The following PCSK5 variants were observed in gnomAD, a reference collection of about 807,000 sequenced individuals.
PCSK5 encodes prohormone convertase 5.
Under a neutral mutation model 233.2 loss-of-function variants are expected in PCSK5, and 129 were observed. That is an observed-to-expected ratio of 0.55 (90% CI 0.48 to 0.64). PCSK5 has a LOEUF of 0.64. PCSK5 is among the 30% of genes least tolerant of loss of function. The pLI, the probability that PCSK5 is intolerant of heterozygous loss-of-function variation, is 0.00. For missense variants in PCSK5, 2,076 were observed against 2,430.1 expected, an observed-to-expected ratio of 0.85 and a Z score of 3.06; for synonymous variants, 825 against 879.2, an observed-to-expected ratio of 0.94 and a Z score of 1.09.
In PCSK5 at chr9:76,233,534, GCCA is replaced by G. The variant is rs1564125128; in HGVS notation, c.2809_2811del (p.His937del). On this transcript the variant is annotated inframe_deletion, in exon 22 of 38. Transcript: ENST00000674117. ...GAATTTGAGAACCAATGCCATCCAT[GCCA>G]CCACACCTGCCAGAGATGCCAAGGA... 6.2e-7 allele frequency: 1 copy of G among 1,612,294 alleles called. No individual in the cohort carries two copies. Among genetic ancestry groups the G allele is most frequent in the Non-Finnish European group, 8.5e-7 (1 of 1,179,620 alleles).
At chr9:76,202,217 C>T (rs1824941194) in intron 20 of PCSK5, among the ~76,000 whole-genome samples, 1 of 152,226 alleles carries the variant, frequency 6.6e-6, no homozygotes, top group South Asian at 2.1e-4. Context: ...CCTCCCAAAT[C>T]TCCCAGATCC....
chr9:76,326,492 C>A (rs191523073), intron 32 of PCSK5, among the ~76,000 whole-genome samples: 2 of 152,258 alleles, frequency 1.3e-5, no homozygotes, highest in Non-Finnish European at 2.9e-5. Flanking sequence ...GTACAGACAC[C>A]TCTAAAAGTC....
At chr9:76,132,721 A>G (rs1175253930) in intron 9 of PCSK5, among the ~76,000 whole-genome samples, 1 of 152,158 alleles carries the variant, frequency 6.6e-6, no homozygotes, top group African/African-American at 2.4e-5. Context: ...ACTTGGCATT[A>G]TTTTAACTGA....
intron 24 of PCSK5, among the ~76,000 whole-genome samples, chr9:76,250,389 G>A (rs980045219): frequency 2.0e-5 from 3 of 152,218 alleles, no homozygotes; most frequent in African/African-American, 7.2e-5. Context: ...GGCAGGGGCA[G>A]AAGGACTTTA....
chr9:76,325,671 C>T (rs2643306), intron 32 of PCSK5, among the ~76,000 whole-genome samples: 1 of 151,364 alleles, frequency 6.6e-6, no homozygotes, highest in South Asian at 2.1e-4. Flanking sequence ...GTTTTGCTCT[C>T]GTTGCTGCCA....
At chr9:76,126,206 A>G (rs1449713131) in intron 9 of PCSK5, among the ~76,000 whole-genome samples, 1 of 106,896 alleles carries the variant, frequency 9.4e-6, no homozygotes, top group African/African-American at 3.5e-5. Flanking sequence ...TGTGTGGTGT[A>G]ATTTTTAAAG....
intron 7 of PCSK5, among the ~76,000 whole-genome samples, chr9:76,087,265 G>A (rs1358404447): frequency 6.6e-6 from 1 of 152,186 alleles, no homozygotes; most frequent in African/African-American, 2.4e-5. Context: ...TTTGTGAGTT[G>A]ATGTTCTACC....
chr9:76,325,644 C>CT (rs1554721674), intron 32 of PCSK5, among the ~76,000 whole-genome samples: 2 of 150,470 alleles, frequency 1.3e-5, no homozygotes, highest in Admixed American at 1.3e-4. Flanking sequence ...ATTGCACTTT[C>CT]TTTTTTTTGA....
At chr9:76,061,089 A>C (rs1486282345) in intron 5 of PCSK5, among the ~76,000 whole-genome samples, 1 of 152,178 alleles carries the variant, frequency 6.6e-6, no homozygotes, top group African/African-American at 2.4e-5. Context: ...GGTGTGTTTC[A>C]TTAGAAAGAT....
intron 1 of PCSK5, among the ~76,000 whole-genome samples, chr9:75,924,269 C>T (rs1006006470): frequency 6.6e-6 from 1 of 152,142 alleles, no homozygotes; most frequent in African/African-American, 2.4e-5. Flanking sequence ...TAATGCCATT[C>T]TCTGAAGAGC....
chr9:75,941,578 C>G (rs1824306972), intron 2 of PCSK5, among the ~76,000 whole-genome samples: 2 of 152,088 alleles, frequency 1.3e-5, no homozygotes, highest in African/African-American at 2.4e-5. Flanking sequence ...TTCTGGCTAC[C>G]TTTTTTGCCA....
rs965286822 is a variant in PCSK5 at position 75,970,820 on chromosome 9, A to C, written c.298-15312A>C. Among the ~76,000 whole-genome samples the C allele has an allele frequency of 2.0e-5, 3 of 152,030 alleles. No individual in the cohort carries two copies. In the East Asian group the frequency reaches 5.8e-4, roughly 29 times the overall value. ...TGTATTTTGGTAGAGAGGAAGTTTCACCGTGTTGCCCAGGCTGGTTCTTGA... is the reference window on the plus strand; with the variant it reads ...TGTATTTTGGTAGAGAGGAAGTTTCCCCGTGTTGCCCAGGCTGGTTCTTGA... On this transcript the variant is annotated intron_variant, in intron 2 of 37. Transcript: ENST00000674117.
chr9:76,054,418 A>T (rs1829748615), intron 5 of PCSK5, among the ~76,000 whole-genome samples: 1 of 152,252 alleles, frequency 6.6e-6, no homozygotes, highest in South Asian at 2.1e-4. Flanking sequence ...TTAACAATGA[A>T]TAAGCTATTT....
At chr9:76,116,873 G>T (rs1832445225) in intron 9 of PCSK5, among the ~76,000 whole-genome samples, 2 of 151,938 alleles carry the variant, frequency 1.3e-5, no homozygotes, top group Non-Finnish European at 2.9e-5. Flanking sequence ...TTACAAATGG[G>T]CACTATAAAC....
At chr9:76,256,670 C>A (rs1316821520) in intron 24 of PCSK5, among the ~76,000 whole-genome samples, 1 of 152,162 alleles carries the variant, frequency 6.6e-6, no homozygotes, top group Non-Finnish European at 1.5e-5. Flanking sequence ...CTTAGTCAAT[C>A]AAGACCCCAG....
chr9:76,248,579 C>T (rs549609675), intron 24 of PCSK5, among the ~76,000 whole-genome samples: 2 of 152,242 alleles, frequency 1.3e-5, no homozygotes, highest in South Asian at 2.1e-4. Flanking sequence ...TATAAACACA[C>T]TGGGTGGAAA....
Position 76,023,951 on chromosome 9 carries a change from A to T in PCSK5, c.555+70A>T, listed in dbSNP as rs116198172. On this transcript the variant is annotated intron_variant, in intron 4 of 37. Coordinates refer to ENST00000674117, the MANE Select transcript of PCSK5 (RefSeq NM_001372043.1). ...GAGAAACTCATGTTAGGATTATCAA[A>T]AAGGTGGATAGCTACTGAAAAATGT... 4.4e-3 allele frequency: 6,150 copies of T among 1,385,370 alleles called. 188 individuals carry two copies. In the South Asian group the frequency reaches 0.049, roughly 11 times the overall value. 85.8% of individuals were successfully genotyped at this position (1,385,370 alleles called of 1,614,324 possible).
At chr9:76,216,211 C>T in intron 20 of PCSK5, among the ~76,000 whole-genome samples, 1 of 152,220 alleles carries the variant, frequency 6.6e-6, no homozygotes, top group South Asian at 2.1e-4. Context: ...ACAGAGGCTA[C>T]AATGCCACTG....
chr9:76,169,715 A>G lies in PCSK5; in HGVS notation c.1631A>G (p.His544Arg). The change falls in exon 13 of 38, where the codon CAC (histidine) becomes CGC (arginine). Residue 544 changes from histidine to arginine, a missense_variant. By Grantham distance (29) the His-to-Arg change is conservative (BLOSUM62 0). Transcript: ENST00000674117. ...TTGTTCACTTTCAGGCTATTTGATC[A>G]CTCCATGGAAGGATTCAAAAACTGG... The part of the protein sequence containing the change: ...SQLLANRLFD[H>R]SMEGFKNWEF... 1 of 1,612,178 alleles carries G rather than the reference A, an allele frequency of 6.2e-7. No homozygotes were observed. Among genetic ancestry groups the G allele is most frequent in the Non-Finnish European group, 8.5e-7 (1 of 1,179,000 alleles).
Sources: allele counts gnomAD v4.1 joint callset (sites outside exome capture counted in the v4.1 genomes callset), GRCh38; gene constraint gnomAD v4.1.1; transcripts MANE v1.5; gene names NCBI Gene and HGNC (gene_info 2026-07-23, HGNC 2026-07-21).